The following TENM3 variants were observed in gnomAD, a reference collection of about 807,000 sequenced individuals.
The protein encoded by TENM3 is teneurin transmembrane protein 3.
Under a neutral mutation model 255.1 loss-of-function variants are expected in TENM3, and 63 were observed. The ratio of observed to expected loss-of-function variants is 0.25; its 90% CI spans 0.20 to 0.30. TENM3 has a LOEUF of 0.30. Ranked by LOEUF, TENM3 falls within the 10% of genes least tolerant of loss-of-function variation. The probability of loss-of-function intolerance (pLI) is 1.00; values close to 1 mark genes in which losing one functional copy is unlikely to be tolerated. For synonymous variants in TENM3, 1,306 were observed against 1,322.3 expected (o/e 0.99, Z 0.27); for missense variants, 2,929 against 3,461.1 (o/e 0.85, Z 3.86).
chr4:182,422,559 C>T lies in TENM3; in HGVS notation c.511+75630C>T, dbSNP rs541839071. Among the ~76,000 whole-genome samples, 4 of 152,198 alleles carry T rather than the reference C, an allele frequency of 2.6e-5. No homozygotes were observed. In the East Asian group the frequency reaches 7.7e-4, roughly 29 times the overall value. Reference sequence around the variant, plus strand: ...TAGGGCATCACTGAGCAGGGAAGGTCCCAAGAAACCAATTTAAGAATTCTC... The same window carrying T: ...TAGGGCATCACTGAGCAGGGAAGGTTCCAAGAAACCAATTTAAGAATTCTC... On this transcript the variant is annotated intron_variant, in intron 3 of 27. Coordinates refer to ENST00000511685, the MANE Select transcript of TENM3 (RefSeq NM_001080477.4).
chr4:181,616,300 A>T, the TENM3 span, among the ~76,000 whole-genome samples: 1 of 129,296 alleles, frequency 7.7e-6, no homozygotes, highest in East Asian at 2.5e-4. Flanking sequence ...AAAAAAAAAA[A>T]AGAACCCATA....
intron 1 of TENM3, among the ~76,000 whole-genome samples, chr4:182,155,128 T>C (rs2149595621): frequency 6.6e-6 from 1 of 152,292 alleles, no homozygotes; most frequent in South Asian, 2.1e-4. Context: ...TACCAAGTAT[T>C]GGCTAATTGA....
Position 182,674,793 on chromosome 4 carries a change from C to T in TENM3, c.1326+1574C>T, listed in dbSNP as rs563149037. On this transcript the variant is annotated intron_variant, in intron 7 of 27. Transcript: ENST00000511685. ...GTTTCACCATGTTGCCCAGGCTGCTCTTGAACTCCTGGGCTCAAGCAATCC... is the reference window on the plus strand; with the variant it reads ...GTTTCACCATGTTGCCCAGGCTGCTTTTGAACTCCTGGGCTCAAGCAATCC... Among the ~76,000 whole-genome samples the T allele has an allele frequency of 5.9e-5, 9 of 152,226 alleles. No homozygotes were observed. The East Asian group carries it at 1.4e-3, about 23-fold the overall frequency.
At chr4:182,047,763 A>G in the TENM3 span, among the ~76,000 whole-genome samples, 1 of 152,038 alleles carries the variant, frequency 6.6e-6, no homozygotes, top group Non-Finnish European at 1.5e-5. Flanking sequence ...ATCGTACCCC[A>G]TTCATCTGCT....
chr4:182,563,088 A>G (rs1743379341), intron 3 of TENM3, among the ~76,000 whole-genome samples: 1 of 152,158 alleles, frequency 6.6e-6, no homozygotes, highest in African/African-American at 2.4e-5. Context: ...GAATATTTCA[A>G]AATGTTACTC....
the TENM3 span, among the ~76,000 whole-genome samples, chr4:181,984,662 A>G: frequency 6.6e-6 from 1 of 152,062 alleles, no homozygotes; most frequent in Non-Finnish European, 1.5e-5. Flanking sequence ...AAGCAAAGTA[A>G]TCTCTAGTAA....
the TENM3 span, among the ~76,000 whole-genome samples, chr4:181,643,284 G>T: frequency 1.3e-5 from 2 of 152,080 alleles, no homozygotes; most frequent in African/African-American, 4.8e-5. Context: ...ACTGTGAGTG[G>T]TAGTTCACTC....
chr4:181,547,472 A>G, the TENM3 span, among the ~76,000 whole-genome samples: 1 of 152,154 alleles, frequency 6.6e-6, no homozygotes, highest in African/African-American at 2.4e-5. Flanking sequence ...AAAATTCCAA[A>G]AAGTTGAAAT....
chr4:182,498,887 G>A (rs927038336), intron 3 of TENM3, among the ~76,000 whole-genome samples: 1 of 151,914 alleles, frequency 6.6e-6, no homozygotes, highest in African/African-American at 2.4e-5. Flanking sequence ...GTCTTATTAA[G>A]AGTCAGTTTT....
At chr4:182,556,101 C>T (rs1418224730) in intron 3 of TENM3, among the ~76,000 whole-genome samples, 1 of 152,190 alleles carries the variant, frequency 6.6e-6, no homozygotes, top group Middle Eastern at 3.2e-3. Flanking sequence ...ACTTCCCAGC[C>T]CTTTTCTTAG....
the TENM3 span, among the ~76,000 whole-genome samples, chr4:181,693,198 G>T: frequency 6.6e-6 from 1 of 152,200 alleles, no homozygotes; most frequent in Non-Finnish European, 1.5e-5. Flanking sequence ...AACTGAAAGC[G>T]ATCTGTAAAG....
At chr4:182,691,628 G>T (rs773124820) in intron 12 of TENM3, among the ~76,000 whole-genome samples, 1 of 152,092 alleles carries the variant, frequency 6.6e-6, no homozygotes, top group Non-Finnish European at 1.5e-5. Flanking sequence ...AGCAAATTAG[G>T]CATATTCGTC....
At chr4:182,089,476 C>T in the TENM3 span, among the ~76,000 whole-genome samples, 1 of 152,148 alleles carries the variant, frequency 6.6e-6, no homozygotes, top group South Asian at 2.1e-4. Flanking sequence ...AACTAAAAAT[C>T]AACCAAAAAA....
the TENM3 span, among the ~76,000 whole-genome samples, chr4:181,938,741 C>T: frequency 9.2e-5 from 14 of 152,288 alleles, no homozygotes; most frequent in African/African-American, 3.4e-4. Context: ...ATTAGGTACA[C>T]AATTTGTAAC....
At chr4:181,463,244 T>G in the TENM3 span, among the ~76,000 whole-genome samples, 1 of 152,210 alleles carries the variant, frequency 6.6e-6, no homozygotes, top group African/African-American at 2.4e-5. Context: ...TTAACATCCA[T>G]GTCAAATACC....
chr4:181,602,785 A>G, the TENM3 span, among the ~76,000 whole-genome samples: 366 of 152,350 alleles, frequency 2.4e-3, no homozygotes, highest in African/African-American at 7.8e-3. Context: ...TCTCAGCCCA[A>G]TAAGTCCTGA....
At chr4:182,561,985 CAGATAGATAGATAGATAGATAGATAGAT>C (rs60745078) in intron 3 of TENM3, among the ~76,000 whole-genome samples, 2 of 145,206 alleles carry the variant, frequency 1.4e-5, no homozygotes, top group Admixed American at 7.1e-5. Context: ...GATAGATAGA[CAGATAGATAGATAGATAGATAGATAGAT>C]AGATAGATAG....
the TENM3 span, among the ~76,000 whole-genome samples, chr4:181,612,517 TG>T: frequency 6.6e-6 from 1 of 151,524 alleles, no homozygotes; most frequent in African/African-American, 2.4e-5. Context: ...TGTGTGTGTG[TG>T]TGTGTCAGAG....
chr4:181,784,165 T>TTC, the TENM3 span, among the ~76,000 whole-genome samples: 1 of 152,020 alleles, frequency 6.6e-6, no homozygotes, highest in Non-Finnish European at 1.5e-5. Context: ...CATCTGTTTT[T>TTC]TTTTTTAACC....
Sources: allele counts gnomAD v4.1 joint callset (sites outside exome capture counted in the v4.1 genomes callset), GRCh38; gene constraint gnomAD v4.1.1; transcripts MANE v1.5; gene names NCBI Gene and HGNC (gene_info 2026-07-23, HGNC 2026-07-21).